GALNT13: variants seen among roughly 807,000 people sequenced by gnomAD.
GALNT13 encodes the protein polypeptide N-acetylgalactosaminyltransferase 13.
A neutral mutation model predicts 64.2 loss-of-function variants in GALNT13; 28 were observed. The ratio of observed to expected loss-of-function variants is 0.44; its 90% confidence interval spans 0.32 to 0.60. GALNT13 has a LOEUF of 0.60. Among genes scored for constraint, GALNT13 ranks in the 20% least tolerant of loss-of-function variants. The pLI is 0.05. For missense variants in GALNT13, 577 were observed against 669.8 expected (o/e 0.86, Z 1.53); for synonymous variants, 214 against 224.6 (o/e 0.95, Z 0.42).
the GALNT13 span, among the ~76,000 whole-genome samples, chr2:153,672,223 G>A: frequency 2.6e-4 from 40 of 151,984 alleles, no homozygotes; most frequent in East Asian, 4.8e-3. Flanking sequence ...CTACAGAACC[G>A]TCCACCCCAA....
intron 3 of GALNT13, among the ~76,000 whole-genome samples, chr2:154,051,279 CTTT>C (rs34890901): frequency 8.8e-5 from 9 of 102,288 alleles, no homozygotes; most frequent in South Asian, 3.5e-4. Context: ...CTTACTCCTT[CTTT>C]TTTTTTTTTT....
At chr2:153,492,800 A>G in the GALNT13 span, among the ~76,000 whole-genome samples, 1 of 152,230 alleles carries the variant, frequency 6.6e-6, no homozygotes, top group African/African-American at 2.4e-5. Context: ...GTTGGGTCCC[A>G]AAATTAGTTT....
At chr2:153,100,216 A>G in the GALNT13 span, among the ~76,000 whole-genome samples, 2 of 152,206 alleles carry the variant, frequency 1.3e-5, no homozygotes, top group Non-Finnish European at 2.9e-5. Flanking sequence ...CAAAAACCAA[A>G]ACTTTCAGAC....
chr2:153,584,720 A>C, the GALNT13 span, among the ~76,000 whole-genome samples: 1 of 152,300 alleles, frequency 6.6e-6, no homozygotes, highest in Admixed American at 6.5e-5. Context: ...TCCACCACTG[A>C]AATCTGAAGA....
the GALNT13 span, among the ~76,000 whole-genome samples, chr2:153,838,895 T>A: frequency 3.9e-5 from 6 of 151,930 alleles, no homozygotes; most frequent in Non-Finnish European, 8.8e-5. Context: ...TTAACAATAT[T>A]AATTATTCTA....
chr2:153,287,748 C>G, the GALNT13 span, among the ~76,000 whole-genome samples: 1 of 152,108 alleles, frequency 6.6e-6, no homozygotes, highest in Non-Finnish European at 1.5e-5. Context: ...AACATCCAGC[C>G]ACTTGTGTTT....
chr2:154,076,301 G>T (rs968406326), intron 3 of GALNT13, among the ~76,000 whole-genome samples: 1 of 151,698 alleles, frequency 6.6e-6, no homozygotes, highest in Admixed American at 6.6e-5. Flanking sequence ...ATCTTAATGG[G>T]ATTATGATTT....
chr2:154,363,797 A>G (rs1369731147), intron 9 of GALNT13, among the ~76,000 whole-genome samples: 1 of 152,194 alleles, frequency 6.6e-6, no homozygotes, highest in Non-Finnish European at 1.5e-5. Context: ...GTCAATGTCT[A>G]TATTCATCTG....
the GALNT13 span, among the ~76,000 whole-genome samples, chr2:153,188,278 A>G: frequency 1.3e-5 from 2 of 152,128 alleles, no homozygotes; most frequent in Non-Finnish European, 2.9e-5. Context: ...TATTGGGTGA[A>G]TCTAAATCAT....
chr2:153,133,247 G>A, the GALNT13 span, among the ~76,000 whole-genome samples: 4 of 151,994 alleles, frequency 2.6e-5, no homozygotes, highest in South Asian at 2.1e-4. Context: ...AGGGACTAAC[G>A]AGCTGTTTTT....
At chr2:153,220,434 T>G in the GALNT13 span, among the ~76,000 whole-genome samples, 1 of 152,214 alleles carries the variant, frequency 6.6e-6, no homozygotes, top group Non-Finnish European at 1.5e-5. Flanking sequence ...TCTGGGGCCA[T>G]TCCATTGGAA....
intron 4 of GALNT13, among the ~76,000 whole-genome samples, chr2:154,183,260 ATGTTT>A (rs1400921020): frequency 2.0e-5 from 3 of 152,134 alleles, no homozygotes. Flanking sequence ...TGTGAATTGT[ATGTTT>A]ATAGAAATTT....
the GALNT13 span, among the ~76,000 whole-genome samples, chr2:153,261,646 C>T: frequency 6.6e-6 from 1 of 152,166 alleles, no homozygotes; most frequent in African/African-American, 2.4e-5. Flanking sequence ...CAGCGTACCA[C>T]TGGGTTTTGC....
chr2:153,791,139 A>G, the GALNT13 span, among the ~76,000 whole-genome samples: 1 of 152,126 alleles, frequency 6.6e-6, no homozygotes, highest in Non-Finnish European at 1.5e-5. Context: ...TGATCTAATA[A>G]CCAGCATTTA....
At chr2:153,399,416 T>C in the GALNT13 span, among the ~76,000 whole-genome samples, 1 of 152,234 alleles carries the variant, frequency 6.6e-6, no homozygotes, top group Non-Finnish European at 1.5e-5. Context: ...GGCTCTTTTT[T>C]AGTTCCATAT....
the GALNT13 span, among the ~76,000 whole-genome samples, chr2:153,591,590 A>G: frequency 6.6e-6 from 1 of 152,114 alleles, no homozygotes; most frequent in Admixed American, 6.6e-5. Context: ...TACTATTATA[A>G]AATAAACACA....
the GALNT13 span, among the ~76,000 whole-genome samples, chr2:153,461,743 C>T: frequency 6.6e-6 from 1 of 152,032 alleles, no homozygotes; most frequent in East Asian, 1.9e-4. Context: ...TCTGCAAATC[C>T]ACAACCCAGA....
chr2:153,577,808 A>G, the GALNT13 span, among the ~76,000 whole-genome samples: 1 of 150,766 alleles, frequency 6.6e-6, no homozygotes, highest in Non-Finnish European at 1.5e-5. Context: ...AATATATTCT[A>G]TTTCTATATA....
chr2:153,562,060 CTGTGTGTGTG>C, the GALNT13 span, among the ~76,000 whole-genome samples: 240 of 118,954 alleles, frequency 2.0e-3, no homozygotes, highest in Middle Eastern at 4.1e-3. Context: ...CTCTCTCTCT[CTGTGTGTGTG>C]TGTGTGTGTG....
Sources: gnomAD v4.1 joint callset for allele counts (sites outside exome capture counted in the v4.1 genomes callset) on GRCh38, gnomAD v4.1.1 for gene constraint, MANE v1.5 for transcripts, NCBI Gene and HGNC (gene_info 2026-07-23, HGNC 2026-07-21) for gene names.